The following HEATR4 variants were observed in gnomAD, a reference collection of about 807,000 sequenced individuals.
HEATR4 encodes HEAT repeat-containing protein 4.
Under a neutral mutation model 108.8 loss-of-function variants are expected in HEATR4, and 95 were observed. That is an observed-to-expected ratio of 0.87 (90% confidence interval 0.74 to 1.04). HEATR4 has a LOEUF of 1.04. HEATR4 is among the 50% of genes least tolerant of loss of function. The pLI, the probability that HEATR4 is intolerant of heterozygous loss-of-function variation, is 0.00. For missense variants in HEATR4, 1,152 were observed against 1,253.8 expected, an observed-to-expected ratio of 0.92 and a Z score of 1.23; for synonymous variants, 443 against 459.4, an observed-to-expected ratio of 0.96 and a Z score of 0.46.
chr14:73,614,177 G>T, the HEATR4 span, among the ~76,000 whole-genome samples: 2,254 of 152,038 alleles, frequency 0.015, 57 homozygotes, highest in African/African-American at 0.051. Flanking sequence ...TTCCAGCCTG[G>T]ACAACAGAGT....
intron 6 of HEATR4, 133 bp from the exon 7 acceptor site, chr14:73,512,282 G>T: frequency 2.1e-6 from 2 of 961,670 alleles, no homozygotes; most frequent in South Asian, 3.5e-5. Context: ...AGAATAAAGG[G>T]CCCAGAGATG....
the HEATR4 span, chr14:73,619,603 G>C: frequency 6.2e-7 from 1 of 1,614,194 alleles, no homozygotes; most frequent in Non-Finnish European, 8.5e-7. Context: ...AAGGCTACAA[G>C]CTCATGGGAA....
At chr14:73,480,419 G>A (rs369224325) in intron 17 of HEATR4, among the ~76,000 whole-genome samples, 3 of 152,130 alleles carry the variant, frequency 2.0e-5, no homozygotes, top group Admixed American at 6.5e-5. Context: ...TAGCCTGGGC[G>A]ACAGAGAGAG....
the HEATR4 span, among the ~76,000 whole-genome samples, chr14:73,633,001 CTCTCTCT>C: frequency 1.6e-5 from 2 of 124,016 alleles, no homozygotes; most frequent in Non-Finnish European, 3.3e-5. Context: ...CTCTCTCTCT[CTCTCTCT>C]TTTTTTTTTT....
At position 73,497,184 on chromosome 14, in the gene HEATR4, C is replaced by T. The variant is rs924551125; in HGVS notation, c.2547-505G>A. Among the ~76,000 whole-genome samples the T allele has an allele frequency of 4.6e-5, 7 of 152,242 alleles. No homozygotes were observed. The South Asian group carries it at 1.0e-3, about 23-fold the overall frequency. ...GTGTTGGGGCTACAGGTGTGAGCCA[C>T]TGCACCCGGCCATGCCCGTCTAATT... On this transcript the variant is annotated intron_variant, in intron 14 of 17. Transcript: ENST00000553558.
rs1400623175 is a variant in HEATR4 at position 73,538,696 on chromosome 14, G to C, written c.-151-8452C>G. Among the ~76,000 whole-genome samples, 6 of 111,202 alleles carry C rather than the reference G, an allele frequency of 5.4e-5. 1 individual carries two copies. The highest frequency in any genetic ancestry group is 1.8e-4 in the African/African-American group (6 of 34,116). The allele number at this position is 111,202 out of a possible 152,430, so 73.0% of individuals were successfully genotyped here. A position where few individuals can be genotyped will look rare whatever the true frequency, so the allele number is the denominator to read the frequency against. On this transcript the variant is annotated intron_variant, in intron 1 of 17. Coordinates refer to ENST00000553558, the MANE Select transcript of HEATR4 (RefSeq NM_001220484.1). ...CAAACAAAACAAAACAAAAAAAACA[G>C]GCCGGACGCGGTGGCTAACACCTGT...
rs940417357 is a variant in HEATR4, at chr14:73,505,472, C to T, written c.1986+995G>A. Among the ~76,000 whole-genome samples, 3 of 152,164 alleles carry T rather than the reference C, an allele frequency of 2.0e-5. No individual in the cohort carries two copies. In the East Asian group the frequency reaches 5.8e-4, roughly 29 times the overall value. ...AGTGCAGTGGTGCGATCTCGGCTCA[C>T]TGCAACCTCTCCCTCCCAGGTTCAA... is the stretch of plus-strand genomic sequence containing the variant. On this transcript the variant is annotated intron_variant, in intron 10 of 17. Transcript: ENST00000553558.
intron 7 of HEATR4, among the ~76,000 whole-genome samples, chr14:73,511,514 G>C (rs773770125): frequency 1.3e-4 from 19 of 145,386 alleles, no homozygotes; most frequent in Non-Finnish European, 3.0e-5. Context: ...GCAAGACTCT[G>C]TCTCAAAAAT....
rs1456709107 is a variant in HEATR4, at chr14:73,549,255, G to A, written c.-152+9496C>T. 3.5e-5 allele frequency among the ~76,000 whole-genome samples: 4 copies of A among 112,976 alleles called. 1 individual carries two copies. The highest frequency in any genetic ancestry group is 1.1e-4 in the African/African-American group (4 of 34,952). The allele number at this position is 112,976 out of a possible 152,430, so 74.1% of individuals were successfully genotyped here. A position where few individuals can be genotyped will look rare whatever the true frequency, so the allele number is the denominator to read the frequency against. On this transcript the variant is annotated intron_variant, in intron 1 of 17. Coordinates refer to ENST00000553558, the MANE Select transcript of HEATR4 (RefSeq NM_001220484.1). The stretch of plus-strand genomic sequence containing the variant: ...ATGACAGTCACTTCCCAAATGCCTC[G>A]TGATGTGTGTGTGTGTCTGTGTGTG...
intron 3 of HEATR4, among the ~76,000 whole-genome samples, chr14:73,521,528 A>G: frequency 6.6e-6 from 1 of 152,228 alleles, no homozygotes; most frequent in Non-Finnish European, 1.5e-5. Flanking sequence ...GTGCCTGGAA[A>G]GTAGCAAGAA....
chr14:73,506,817 T>TTGTTTTTTTTTTTTTG (rs1377485323), intron 9 of HEATR4, among the ~76,000 whole-genome samples: 3 of 135,690 alleles, frequency 2.2e-5, no homozygotes, highest in Non-Finnish European at 4.5e-5. Context: ...TTTTTTTTTT[T>TTGTTTTTTTTTTTTTG]TTTTTTTTCT....
chr14:73,554,699 T>G (rs115757944), intron 1 of HEATR4, among the ~76,000 whole-genome samples: 2,846 of 115,198 alleles, frequency 0.025, 439 homozygotes, highest in African/African-American at 0.076. Context: ...AGAGCAGCAC[T>G]GGTTCTGCTA....
intron 4 of HEATR4, chr14:73,520,495 GGTGGGAGAATATCTCGAA>G (rs1164231035): frequency 1.7e-4 from 31 of 178,520 alleles, no homozygotes; most frequent in Middle Eastern, 2.4e-3. Context: ...ATAGCACCTT[GGTGGGAGAATATCTCGAA>G]GTGGGAGAAT....
chr14:73,482,941 A>G (rs752364494), intron 17 of HEATR4, among the ~76,000 whole-genome samples: 2 of 152,144 alleles, frequency 1.3e-5, no homozygotes, highest in Non-Finnish European at 2.9e-5. Flanking sequence ...GATTGCAGGC[A>G]TGAGGCACCC....
the HEATR4 span, chr14:73,595,321 A>C: frequency 6.2e-7 from 1 of 1,614,234 alleles, no homozygotes; most frequent in African/African-American, 1.3e-5. Context: ...TGATTCCAAT[A>C]GAGAAGGCCC....
intron 1 of HEATR4, among the ~76,000 whole-genome samples, chr14:73,548,503 C>G (rs1889270371): frequency 8.7e-6 from 1 of 115,192 alleles, no homozygotes; most frequent in Non-Finnish European, 1.9e-5. Flanking sequence ...TATCCAGATC[C>G]AGTCCCTGAA....
At position 73,537,354 on chromosome 14, in the gene HEATR4, G is replaced by A. The variant is rs1191448851; in HGVS notation, c.-151-7110C>T. On this transcript the variant is annotated intron_variant, in intron 1 of 17. Transcript: ENST00000553558. ...CTGCGACGGCAGCCCGAGAGGAAGA[G>A]TTGGGCAGAGTTGCAGGGGTCTCCA... 3 of 1,183,648 alleles carry A rather than the reference G, an allele frequency of 2.5e-6. 1 individual carries two copies. Among genetic ancestry groups the A allele is most frequent in the Non-Finnish European group, 3.4e-6 (3 of 889,444 alleles). 73.3% of individuals were successfully genotyped at this position (1,183,648 alleles called of 1,614,324 possible). A position where few individuals can be genotyped will look rare whatever the true frequency, so the allele number is the denominator to read the frequency against.
chr14:73,632,737 G>A, the HEATR4 span, among the ~76,000 whole-genome samples: 2 of 151,184 alleles, frequency 1.3e-5, no homozygotes, highest in Non-Finnish European at 2.9e-5. Context: ...CCAGCTACTA[G>A]GGAGGCTGAG....
chr14:73,580,678 A>G, the HEATR4 span: 10 of 152,260 alleles, frequency 6.6e-5, no homozygotes, highest in Non-Finnish European at 1.2e-4. Flanking sequence ...GTGGCTAGAG[A>G]TATCTGGTCC....
Sources: gnomAD v4.1 joint callset for allele counts (sites outside exome capture counted in the v4.1 genomes callset) on GRCh38, gnomAD v4.1.1 for gene constraint, MANE v1.5 for transcripts, NCBI Gene and HGNC (gene_info 2026-07-23, HGNC 2026-07-21) for gene names.